MACROD2: variants seen among roughly 807,000 people sequenced by gnomAD.
The protein encoded by MACROD2 is ADP-ribose glycohydrolase MACROD2.
MACROD2 carries 36 observed loss-of-function variants against 70.4 expected under a neutral mutation model. That is an observed-to-expected ratio of 0.51 (90% confidence interval 0.39 to 0.68). MACROD2 has a LOEUF of 0.68. Among genes scored for constraint, MACROD2 ranks in the 30% least tolerant of loss-of-function variants. The pLI is 0.00. For missense variants in MACROD2, 496 were observed against 538.4 expected (o/e 0.92, Z 0.78); for synonymous variants, 172 against 178.8 (o/e 0.96, Z 0.30).
chr20:14,343,406 C>T (rs2122669389), intron 3 of MACROD2, among the ~76,000 whole-genome samples: 1 of 152,206 alleles, frequency 6.6e-6, no homozygotes, highest in South Asian at 2.1e-4. Context: ...GTGGCACCCA[C>T]CTAATTTCCT....
At chr20:14,873,233 G>C (rs558492113) in intron 5 of MACROD2, among the ~76,000 whole-genome samples, 1 of 152,134 alleles carries the variant, frequency 6.6e-6, no homozygotes, top group Non-Finnish European at 1.5e-5. Context: ...AACTTATTGA[G>C]TCTTCCTGGT....
intron 2 of MACROD2, among the ~76,000 whole-genome samples, chr20:14,072,750 CTG>C (rs775395845): frequency 7.9e-5 from 12 of 151,940 alleles, no homozygotes; most frequent in Non-Finnish European, 1.2e-4. Flanking sequence ...CTGGCTAACA[CTG>C]TGAAACCCTG....
chr20:14,754,495 A>G (rs1418756278), intron 5 of MACROD2, among the ~76,000 whole-genome samples: 2 of 152,070 alleles, frequency 1.3e-5, no homozygotes, highest in Non-Finnish European at 2.9e-5. Context: ...AGTTGCTTAT[A>G]TTCACTTTCT....
chr20:15,435,230 A>C (rs2046412969), intron 7 of MACROD2, among the ~76,000 whole-genome samples: 1 of 152,174 alleles, frequency 6.6e-6, no homozygotes, highest in South Asian at 2.1e-4. Context: ...TATAATACAA[A>C]AAAGCAGAAG....
chr20:16,007,352 A>G (rs1020279977), intron 15 of MACROD2, among the ~76,000 whole-genome samples: 1 of 152,232 alleles, frequency 6.6e-6, no homozygotes, highest in Non-Finnish European at 1.5e-5. Context: ...AACCAGTTGC[A>G]TTGGTGCAGA....
At chr20:15,063,130 A>G (rs896673850) in intron 5 of MACROD2, among the ~76,000 whole-genome samples, 4 of 152,096 alleles carry the variant, frequency 2.6e-5, no homozygotes, top group African/African-American at 4.8e-5. Context: ...CAAAAAAGAG[A>G]TGAGTAAGGC....
intron 5 of MACROD2, among the ~76,000 whole-genome samples, chr20:14,882,978 G>A (rs1452879665): frequency 6.6e-6 from 1 of 152,144 alleles, no homozygotes; most frequent in Non-Finnish European, 1.5e-5. Flanking sequence ...CCACATTTTT[G>A]TGATGGGGTG....
chr20:14,497,469 TA>T (rs2084867195), intron 4 of MACROD2, among the ~76,000 whole-genome samples: 1 of 151,798 alleles, frequency 6.6e-6, no homozygotes, highest in African/African-American at 2.4e-5. Flanking sequence ...ACTGAAGAGC[TA>T]ATTCCTCACT....
At chr20:14,471,627 C>A (rs377283165) in intron 3 of MACROD2, among the ~76,000 whole-genome samples, 2 of 152,120 alleles carry the variant, frequency 1.3e-5, no homozygotes, top group African/African-American at 4.8e-5. Context: ...AAAGTTCATG[C>A]GAATTTTACT....
intron 8 of MACROD2, among the ~76,000 whole-genome samples, chr20:15,743,589 A>C (rs1414987768): frequency 6.6e-6 from 1 of 152,076 alleles, no homozygotes; most frequent in Non-Finnish European, 1.5e-5. Flanking sequence ...CTTTCTGCCC[A>C]AATTGACTAA....
rs139240097 is a variant in MACROD2, at chr20:15,581,779, T to C, written c.645+81932T>C. Among the ~76,000 whole-genome samples the C allele has an allele frequency of 4.7e-3, 709 of 152,284 alleles. 4 individuals carry two copies. The highest frequency in any genetic ancestry group is 0.016 in the African/African-American group (682 of 41,560). ...TGCTGGCTGTTGCCAGCTCTGCAGT[T>C]GCTGAGCTGGGGACTATGTTATGTG... On this transcript the variant is annotated intron_variant, in intron 8 of 17. Coordinates refer to ENST00000684519, the MANE Select transcript of MACROD2 (RefSeq NM_001351661.2).
intron 3 of MACROD2, among the ~76,000 whole-genome samples, chr20:14,474,358 T>C (rs2084565195): frequency 6.6e-6 from 1 of 152,188 alleles, no homozygotes; most frequent in Admixed American, 6.5e-5. Context: ...ATTTCAATTT[T>C]TAAAATTTTG....
chr20:15,801,729 T>C lies in MACROD2; in HGVS notation c.646-61016T>C, dbSNP rs188287263. ...AAATTTAAGGCTTTTGGTCTATTTCTGTGAAAAATATCATTGGCATTTTGA... is the reference window on the plus strand; with the variant it reads ...AAATTTAAGGCTTTTGGTCTATTTCCGTGAAAAATATCATTGGCATTTTGA... On this transcript the variant is annotated intron_variant, in intron 8 of 17. Coordinates refer to ENST00000684519, the MANE Select transcript of MACROD2 (RefSeq NM_001351661.2). 1.4e-3 allele frequency among the ~76,000 whole-genome samples: 220 copies of C among 152,264 alleles called. 1 individual carries two copies. The highest frequency in any genetic ancestry group is 2.7e-3 in the Non-Finnish European group (183 of 68,032).
intron 3 of MACROD2, among the ~76,000 whole-genome samples, chr20:14,465,707 G>A (rs2084436961): frequency 6.6e-6 from 1 of 152,054 alleles, no homozygotes; most frequent in Non-Finnish European, 1.5e-5. Context: ...CTTCCTTCGG[G>A]AGCTCTTTTA....
intron 1 of MACROD2, among the ~76,000 whole-genome samples, chr20:13,998,973 AT>A (rs1325325508): frequency 6.7e-6 from 1 of 148,416 alleles, no homozygotes; most frequent in Non-Finnish European, 1.5e-5. Context: ...AAAAAAAAAA[AT>A]TCACAGAGAA....
At chr20:15,209,955 C>A (rs2076747238) in intron 5 of MACROD2, among the ~76,000 whole-genome samples, 1 of 152,160 alleles carries the variant, frequency 6.6e-6, no homozygotes. Flanking sequence ...AAACATTGTG[C>A]TTTCTATGGA....
intron 3 of MACROD2, among the ~76,000 whole-genome samples, chr20:14,295,034 G>A (rs1473211618): frequency 6.6e-6 from 1 of 151,704 alleles, no homozygotes; most frequent in Non-Finnish European, 1.5e-5. Flanking sequence ...CATGGCCAAT[G>A]TATATACCCA....
At chr20:15,732,660 A>C (rs552404515) in intron 8 of MACROD2, among the ~76,000 whole-genome samples, 50 of 11,786 alleles carry the variant, frequency 4.2e-3, no homozygotes, top group African/African-American at 0.018. Flanking sequence ...AATTCTACTC[A>C]GTTGTGTATA....
intron 2 of MACROD2, among the ~76,000 whole-genome samples, chr20:14,011,175 G>A (rs571618125): frequency 6.6e-6 from 1 of 152,052 alleles, no homozygotes; most frequent in Admixed American, 6.6e-5. Flanking sequence ...GGTGGCCAGG[G>A]GCATTGTACA....
Sources: allele counts gnomAD v4.1 joint callset (sites outside exome capture counted in the v4.1 genomes callset), GRCh38; gene constraint gnomAD v4.1.1; transcripts MANE v1.5; gene names NCBI Gene and HGNC (gene_info 2026-07-23, HGNC 2026-07-21).